The following CDKAL1 variants were observed in gnomAD, a reference collection of about 807,000 sequenced individuals.
CDKAL1 encodes threonylcarbamoyladenosine tRNA methylthiotransferase.
In CDKAL1, 32 loss-of-function variants were observed where a neutral mutation model predicts 68.2. The observed-to-expected ratio is 0.47, with a 90% confidence interval of 0.35 to 0.63. The LOEUF is 0.63. CDKAL1 is among the 30% of genes least tolerant of loss of function. The pLI, the probability that CDKAL1 is intolerant of heterozygous loss-of-function variation, is 0.00. For missense variants in CDKAL1, 606 were observed against 696.7 expected, an observed-to-expected ratio of 0.87 and a Z score of 1.47; for synonymous variants, 234 against 244.3, an observed-to-expected ratio of 0.96 and a Z score of 0.39.
intron 13 of CDKAL1, among the ~76,000 whole-genome samples, chr6:21,147,946 G>A (rs984572420): frequency 6.6e-6 from 1 of 152,180 alleles, no homozygotes; most frequent in African/African-American, 2.4e-5. Flanking sequence ...TCTAATGACT[G>A]TTTTAGGATT....
At chr6:20,770,011 T>C (rs1774870534) in intron 7 of CDKAL1, among the ~76,000 whole-genome samples, 1 of 152,208 alleles carries the variant, frequency 6.6e-6, no homozygotes, top group Non-Finnish European at 1.5e-5. Context: ...TCACTTTTTT[T>C]CCATGTTCCC....
chr6:20,976,200 C>T (rs1765838536), intron 10 of CDKAL1, among the ~76,000 whole-genome samples: 1 of 152,126 alleles, frequency 6.6e-6, no homozygotes, highest in African/African-American at 2.4e-5. Flanking sequence ...CCTCAGAACT[C>T]ATTTCTTTTA....
At chr6:20,592,050 G>T in intron 4 of CDKAL1, among the ~76,000 whole-genome samples, 1 of 152,136 alleles carries the variant, frequency 6.6e-6, no homozygotes, top group East Asian at 1.9e-4. Context: ...ATTTCCTTGA[G>T]CAGCGGTTTG....
chr6:20,607,242 G>T (rs1292267319), intron 4 of CDKAL1, among the ~76,000 whole-genome samples: 1 of 152,204 alleles, frequency 6.6e-6, no homozygotes, highest in Non-Finnish European at 1.5e-5. Context: ...CCTAGGTGTT[G>T]TGTTTTCCCC....
At chr6:20,853,488 C>T (rs935179018) in intron 9 of CDKAL1, among the ~76,000 whole-genome samples, 2 of 151,674 alleles carry the variant, frequency 1.3e-5, no homozygotes, top group African/African-American at 4.8e-5. Context: ...ACAAATTAAT[C>T]GAGATTCTTC....
intron 13 of CDKAL1, among the ~76,000 whole-genome samples, chr6:21,164,235 T>A (rs1430104370): frequency 6.6e-6 from 1 of 152,100 alleles, no homozygotes; most frequent in Non-Finnish European, 1.5e-5. Context: ...TTTGAAATTT[T>A]AAAAAATTAT....
In CDKAL1 at chr6:20,851,710, T is replaced by C. The variant is rs542255546; in HGVS notation, c.742+5532T>C. On this transcript the variant is annotated intron_variant, in intron 9 of 15. Coordinates refer to ENST00000274695, the MANE Select transcript of CDKAL1 (RefSeq NM_017774.3). ...TGATTTCGATTAATTTCGATATTAA[T>C]GTTGGAATTTTAAAAAATGGATTCT... is the stretch of plus-strand genomic sequence containing the variant. Among the ~76,000 whole-genome samples the C allele has an allele frequency of 9.9e-5, 15 of 151,908 alleles. No individual in the cohort carries two copies. In the South Asian group the frequency reaches 1.0e-3, roughly 11 times the overall value.
chr6:20,557,087 G>T (rs1038057098), intron 4 of CDKAL1, among the ~76,000 whole-genome samples: 13 of 147,914 alleles, frequency 8.8e-5, no homozygotes, highest in African/African-American at 3.2e-4. Context: ...ATAAATAAAT[G>T]AAAAATAAAT....
intron 13 of CDKAL1, among the ~76,000 whole-genome samples, chr6:21,169,536 T>C (rs924044482): frequency 6.6e-6 from 1 of 152,148 alleles, no homozygotes; most frequent in Non-Finnish European, 1.5e-5. Flanking sequence ...CTTGGGAGGC[T>C]GAGGCAGGGG....
chr6:21,221,660 A>T (rs527418844), intron 15 of CDKAL1, among the ~76,000 whole-genome samples: 1 of 152,220 alleles, frequency 6.6e-6, no homozygotes, highest in Non-Finnish European at 1.5e-5. Context: ...GGTGGGGGGA[A>T]AAAAGCCTGT....
At chr6:20,670,197 A>G (rs1258801178) in intron 5 of CDKAL1, among the ~76,000 whole-genome samples, 2 of 152,208 alleles carry the variant, frequency 1.3e-5, no homozygotes, top group African/African-American at 4.8e-5. Context: ...TACTAACACA[A>G]ATATAATATT....
chr6:20,663,332 A>G (rs1769375937), intron 5 of CDKAL1, among the ~76,000 whole-genome samples: 1 of 151,892 alleles, frequency 6.6e-6, no homozygotes, highest in African/African-American at 2.4e-5. Flanking sequence ...TTGGCTTGAT[A>G]TCTCTGCTAT....
intron 13 of CDKAL1, among the ~76,000 whole-genome samples, chr6:21,188,863 C>G (rs895033524): frequency 3.3e-5 from 5 of 151,908 alleles, no homozygotes; most frequent in African/African-American, 9.7e-5. Flanking sequence ...CCTTTGAATG[C>G]TCTAGAATAC....
At chr6:20,680,149 C>T (rs750031424) in intron 5 of CDKAL1, among the ~76,000 whole-genome samples, 15 of 152,062 alleles carry the variant, frequency 9.9e-5, no homozygotes, top group Admixed American at 3.3e-4. Context: ...TTTACTACAG[C>T]CTCCACCTCC....
At chr6:21,141,888 G>A (rs1775930943) in intron 13 of CDKAL1, among the ~76,000 whole-genome samples, 1 of 152,178 alleles carries the variant, frequency 6.6e-6, no homozygotes. Context: ...GTTGGAGTAA[G>A]CATTTAGGAA....
intron 8 of CDKAL1, among the ~76,000 whole-genome samples, chr6:20,828,640 C>G (rs769533407): frequency 1.3e-5 from 2 of 152,052 alleles, no homozygotes; most frequent in Non-Finnish European, 2.9e-5. Flanking sequence ...TTATATTTTC[C>G]TCTTGAAACT....
intron 9 of CDKAL1, among the ~76,000 whole-genome samples, chr6:20,910,798 G>A (rs1222352768): frequency 6.6e-6 from 1 of 152,206 alleles, no homozygotes; most frequent in Non-Finnish European, 1.5e-5. Context: ...TCTGATTGAT[G>A]TCCTATAAAA....
chr6:20,676,706 A>C (rs1419709990), intron 5 of CDKAL1, among the ~76,000 whole-genome samples: 1 of 145,666 alleles, frequency 6.9e-6, no homozygotes, highest in African/African-American at 2.8e-5. Context: ...AATAAATAAA[A>C]TAAAATAAAA....
chr6:21,185,960 C>G (rs1407719209), intron 13 of CDKAL1, among the ~76,000 whole-genome samples: 2 of 151,782 alleles, frequency 1.3e-5, no homozygotes, highest in Non-Finnish European at 2.9e-5. Context: ...GATGCAGGTG[C>G]ACAGTAATAC....
Sources: allele counts gnomAD v4.1 joint callset (sites outside exome capture counted in the v4.1 genomes callset), GRCh38; gene constraint gnomAD v4.1.1; transcripts MANE v1.5; gene names NCBI Gene and HGNC (gene_info 2026-07-23, HGNC 2026-07-21).